Variants in HERC4 observed in about 807,000 individuals in gnomAD.
The protein encoded by HERC4 is HECT and RLD domain containing E3 ubiquitin protein ligase 4, also known as probable E3 ubiquitin-protein ligase HERC4.
Under a neutral mutation model 124.3 loss-of-function variants are expected in HERC4, and 28 were observed. The observed-to-expected ratio is 0.23, with a 90% CI of 0.17 to 0.31. HERC4 has a LOEUF of 0.31. HERC4 is among the 10% of genes least tolerant of loss of function. The pLI, the probability that HERC4 is intolerant of heterozygous loss-of-function variation, is 1.00. For missense variants in HERC4, 713 were observed against 1,229.3 expected, an observed-to-expected ratio of 0.58 and a Z score of 6.28; for synonymous variants, 407 against 421.5, an observed-to-expected ratio of 0.97 and a Z score of 0.42.
intron 15 of HERC4, among the ~76,000 whole-genome samples, chr10:67,969,366 A>T (rs2035089115): frequency 6.6e-6 from 1 of 152,170 alleles, no homozygotes; most frequent in Non-Finnish European, 1.5e-5. Flanking sequence ...GTAGCTTGAT[A>T]GTATGAAACC....
chr10:67,998,260 C>T (rs2037011245), intron 9 of HERC4, among the ~76,000 whole-genome samples: 1 of 151,232 alleles, frequency 6.6e-6, no homozygotes, highest in Admixed American at 6.6e-5. Context: ...AATTAAAAAT[C>T]ATACAGGCCA....
intron 3 of HERC4, among the ~76,000 whole-genome samples, chr10:68,061,596 G>A (rs149954497): frequency 8.4e-4 from 122 of 144,740 alleles, no homozygotes; most frequent in African/African-American, 3.0e-3. Flanking sequence ...ATAAGCAAAT[G>A]GGCTGGGATC....
In HERC4 at chr10:68,031,563, G is replaced by T. The variant is rs551072767; in HGVS notation, c.777+1215C>A. Reference sequence around the variant, plus strand: ...GCCAACCTAATAATAAGATTGGCAGGTATAATAATCCTTCCTTACTAAAAG... The same window carrying T: ...GCCAACCTAATAATAAGATTGGCAGTTATAATAATCCTTCCTTACTAAAAG... On this transcript the variant is annotated intron_variant, in intron 7 of 24. Coordinates refer to ENST00000373700, the MANE Select transcript of HERC4 (RefSeq NM_015601.4). 2.8e-4 allele frequency among the ~76,000 whole-genome samples: 42 copies of T among 152,160 alleles called. No individual in the cohort carries two copies. The South Asian group carries it at 8.3e-3, about 30-fold the overall frequency.
In HERC4 at chr10:68,073,196, T is replaced by C. The variant is rs2041650868; in HGVS notation, c.-78-10A>G. ...TGGAGGTACCCTATGTCTGAGGAAA[T>C]AGAAAGAAGTTAATATGACTTCAAA... On this transcript the variant is annotated splice_polypyrimidine_tract_variant and intron_variant, in intron 2 of 24. Transcript: ENST00000373700. 8.4e-6 allele frequency: 8 copies of C among 952,158 alleles called. No homozygotes were observed. The highest frequency in any genetic ancestry group is 2.2e-4 in the Middle Eastern group (1 of 4,616). 59.0% of individuals were successfully genotyped at this position (952,158 alleles called of 1,614,324 possible). A position where few individuals can be genotyped will look rare whatever the true frequency, so the allele number is the denominator to read the frequency against.
chr10:68,038,172 A>G lies in HERC4; in HGVS notation c.387-3T>C, dbSNP rs376301081. 1.4e-6 allele frequency: 2 copies of G among 1,468,668 alleles called. No homozygotes were observed. The highest frequency in any genetic ancestry group is 2.9e-5 in the African/African-American group (2 of 68,756). The allele number at this position is 1,468,668 out of a possible 1,614,324, so 91.0% of individuals were successfully genotyped here. On this transcript the variant is annotated splice_region_variant and splice_polypyrimidine_tract_variant and intron_variant, in intron 4 of 24. Coordinates refer to ENST00000373700, the MANE Select transcript of HERC4 (RefSeq NM_015601.4). ...TATCTGACAAACTTTTAATATTTCT[A>G]GAAAAGAAGAAGACAGATCAAGACC...
At chr10:67,959,074 A>G in intron 16 of HERC4, 1 of 1,564,466 alleles carries the variant, frequency 6.4e-7, no homozygotes, top group Non-Finnish European at 8.7e-7. Flanking sequence ...AATGGAGTAT[A>G]TTTTACTCTA....
chr10:67,984,196 G>T (rs183086452), intron 15 of HERC4, among the ~76,000 whole-genome samples: 1 of 151,816 alleles, frequency 6.6e-6, no homozygotes, highest in South Asian at 2.1e-4. Flanking sequence ...CCAGCTACTC[G>T]GGAGGCTGAG....
At chr10:67,929,262 G>A (rs1455362880) in intron 23 of HERC4, among the ~76,000 whole-genome samples, 1 of 152,064 alleles carries the variant, frequency 6.6e-6, no homozygotes, top group East Asian at 1.9e-4. Flanking sequence ...TAAGTTCTAA[G>A]CACATGTGCA....
chr10:68,028,057 A>G (rs1258658074), intron 7 of HERC4, among the ~76,000 whole-genome samples: 2 of 149,510 alleles, frequency 1.3e-5, no homozygotes, highest in African/African-American at 4.9e-5. Flanking sequence ...CATTAGGTTT[A>G]ATGGTCTTTG....
At chr10:68,028,966 T>C (rs1298902982) in intron 7 of HERC4, among the ~76,000 whole-genome samples, 7 of 151,756 alleles carry the variant, frequency 4.6e-5, no homozygotes, top group Admixed American at 3.9e-4. Context: ...AAACCAGGAG[T>C]ACCAGACCAG....
At chr10:68,032,643 C>A in intron 7 of HERC4, 135 bp downstream of exon 7, 1 of 559,822 alleles carries the variant, frequency 1.8e-6, no homozygotes. Flanking sequence ...TAATCTAAGT[C>A]TTTTTTCCCA....
chr10:68,069,370 C>A (rs1338466218), intron 3 of HERC4: 4 of 985,018 alleles, frequency 4.1e-6, no homozygotes, highest in African/African-American at 1.7e-5. Context: ...ATTCACTTCT[C>A]TGGAAATAAT....
At chr10:67,947,577 C>A (rs1402459811) in intron 19 of HERC4, among the ~76,000 whole-genome samples, 1 of 152,060 alleles carries the variant, frequency 6.6e-6, no homozygotes, top group Non-Finnish European at 1.5e-5. Flanking sequence ...AAATAGAGAA[C>A]CTGAACTACA....
Position 67,952,742 on chromosome 10 carries a change from T to TA in HERC4, c.2337+1852dup, listed in dbSNP as rs2033883894. On this transcript the variant is annotated intron_variant, in intron 19 of 24. Coordinates refer to ENST00000373700, the MANE Select transcript of HERC4 (RefSeq NM_015601.4). ...TGAAACCCCGTCTCTACTAAAAATA[T>TA]AAAAAAAATTAGCCGGGCATGGTGG... Among the ~76,000 whole-genome samples the TA allele has an allele frequency of 6.6e-5, 10 of 150,660 alleles. No homozygotes were observed. The South Asian group carries it at 2.1e-3, about 32-fold the overall frequency.
intron 23 of HERC4, among the ~76,000 whole-genome samples, chr10:67,930,588 T>C (rs2031687804): frequency 6.6e-6 from 1 of 152,248 alleles, no homozygotes; most frequent in African/African-American, 2.4e-5. Flanking sequence ...ACATAAAAAG[T>C]AGAGTGGTAA....
At chr10:68,033,765 C>G (rs1304040930) in intron 6 of HERC4, among the ~76,000 whole-genome samples, 200 bp downstream of exon 6, 1 of 152,130 alleles carries the variant, frequency 6.6e-6, no homozygotes, top group East Asian at 1.9e-4. Context: ...TCCAGATATA[C>G]TTTTTATAGT....
intron 15 of HERC4, among the ~76,000 whole-genome samples, chr10:67,969,549 C>A (rs1223370961): frequency 6.6e-5 from 10 of 152,136 alleles, no homozygotes; most frequent in Non-Finnish European, 1.3e-4. Flanking sequence ...GAGAAAGGAA[C>A]AAAGGCCCGT....
intron 9 of HERC4, among the ~76,000 whole-genome samples, chr10:67,999,298 A>G (rs945757502): frequency 2.6e-5 from 4 of 152,196 alleles, no homozygotes; most frequent in Non-Finnish European, 4.4e-5. Flanking sequence ...TCTTCATCAG[A>G]TCATATCATT....
chr10:67,949,199 G>A (rs1048425307), intron 19 of HERC4, among the ~76,000 whole-genome samples: 15 of 152,052 alleles, frequency 9.9e-5, no homozygotes, highest in South Asian at 2.1e-4. Context: ...CAGGAGAATC[G>A]CTTGAACCCA....
Sources: gnomAD v4.1 joint callset for allele counts (sites outside exome capture counted in the v4.1 genomes callset) on GRCh38, gnomAD v4.1.1 for gene constraint, MANE v1.5 for transcripts, NCBI Gene and HGNC (gene_info 2026-07-23, HGNC 2026-07-21) for gene names.